TMEM132D: variants seen among roughly 807,000 people sequenced by gnomAD.
TMEM132D encodes mature OL transmembrane protein.
In TMEM132D, 21 loss-of-function variants were observed where a neutral mutation model predicts 62.3. That is an observed-to-expected ratio of 0.34 (90% CI 0.24 to 0.49). TMEM132D has a LOEUF of 0.49. TMEM132D is among the 20% of genes least tolerant of loss of function. The probability of loss-of-function intolerance (pLI) is 0.99; values close to 1 mark genes in which losing one functional copy is unlikely to be tolerated. For synonymous variants in TMEM132D, 621 were observed against 575.6 expected, an observed-to-expected ratio of 1.08 and a Z score of -1.13; for missense variants, 1,346 against 1,402.8, an observed-to-expected ratio of 0.96 and a Z score of 0.65.
intron 5 of TMEM132D, among the ~76,000 whole-genome samples, chr12:129,161,780 C>T: frequency 6.6e-6 from 1 of 152,164 alleles, no homozygotes; most frequent in Non-Finnish European, 1.5e-5. Context: ...ATAGTGTGGG[C>T]AGGCACCTAT....
intron 1 of TMEM132D, among the ~76,000 whole-genome samples, chr12:129,810,988 C>T (rs927183611): frequency 4.6e-5 from 7 of 151,744 alleles, no homozygotes; most frequent in Admixed American, 1.3e-4. Flanking sequence ...TCAACAAGGG[C>T]GTCAACACAA....
At position 129,597,723 on chromosome 12, in the gene TMEM132D, T is replaced by A. The variant is rs148133747; in HGVS notation, c.969-66518A>T. ...TCTCACCTGCGTTTCAACCATAACATAGCATTTAGAAAGTGTAGGTACATT... is the reference window on the plus strand; with the variant it reads ...TCTCACCTGCGTTTCAACCATAACAAAGCATTTAGAAAGTGTAGGTACATT... On this transcript the variant is annotated intron_variant, in intron 2 of 8. Transcript: ENST00000422113. 5.3e-3 allele frequency among the ~76,000 whole-genome samples: 812 copies of A among 152,296 alleles called. 13 individuals are homozygous for A. The highest frequency in any genetic ancestry group is 0.019 in the African/African-American group (770 of 41,566).
chr12:129,278,948 T>G (rs1278628281), intron 4 of TMEM132D, among the ~76,000 whole-genome samples: 1 of 152,140 alleles, frequency 6.6e-6, no homozygotes, highest in Non-Finnish European at 1.5e-5. Flanking sequence ...AAATGCAAAT[T>G]ATAAGGACTG....
chr12:129,259,323 T>C (rs1189405464), intron 4 of TMEM132D, among the ~76,000 whole-genome samples: 1 of 152,348 alleles, frequency 6.6e-6, no homozygotes, highest in African/African-American at 2.4e-5. Context: ...TCTGAGCTGT[T>C]GCCTGAAGGA....
At chr12:129,206,549 C>T (rs1029726951) in intron 5 of TMEM132D, among the ~76,000 whole-genome samples, 1 of 152,164 alleles carries the variant, frequency 6.6e-6, no homozygotes, top group African/African-American at 2.4e-5. Flanking sequence ...TTTGGTGATT[C>T]CTCAAAGAGC....
intron 2 of TMEM132D, among the ~76,000 whole-genome samples, chr12:129,541,844 A>G (rs1055997693): frequency 6.6e-6 from 1 of 152,204 alleles, no homozygotes; most frequent in Non-Finnish European, 1.5e-5. Context: ...TATTACCATT[A>G]TCTTCTTTGT....
chr12:129,250,622 A>G (rs1593311658), intron 4 of TMEM132D, among the ~76,000 whole-genome samples: 1 of 152,216 alleles, frequency 6.6e-6, no homozygotes, highest in East Asian at 1.9e-4. Flanking sequence ...ACTCATGCTT[A>G]ATACAATGTG....
intron 3 of TMEM132D, among the ~76,000 whole-genome samples, chr12:129,522,951 T>TAG (rs1024214382): frequency 4.2e-4 from 5 of 11,798 alleles, no homozygotes; most frequent in African/African-American, 1.6e-3. Context: ...AGACATAGAT[T>TAG]ATATATATAT....
chr12:129,128,687 C>A (rs950689068), intron 5 of TMEM132D, among the ~76,000 whole-genome samples: 2 of 152,082 alleles, frequency 1.3e-5, no homozygotes, highest in Non-Finnish European at 2.9e-5. Context: ...TTCTAGTGTA[C>A]CCATGACTCA....
rs77693628 is a variant in TMEM132D, at chr12:129,273,684, A to C, written c.1299+63950T>G. Among the ~76,000 whole-genome samples, 20 of 151,920 alleles carry C rather than the reference A, an allele frequency of 1.3e-4. No homozygotes were observed. In the East Asian group the frequency reaches 3.9e-3, roughly 29 times the overall value. Reference sequence around the variant, plus strand: ...TGCATGAACGAAAAACCAGTTACCAAATGTTCTCATTTATAAGCGGGAGCT... The same window carrying C: ...TGCATGAACGAAAAACCAGTTACCACATGTTCTCATTTATAAGCGGGAGCT... On this transcript the variant is annotated intron_variant, in intron 4 of 8. Transcript: ENST00000422113.
rs571440317 is a variant in TMEM132D, at chr12:129,674,855, C to A, written c.968+24955G>T. On this transcript the variant is annotated intron_variant, in intron 2 of 8. Transcript: ENST00000422113. The stretch of plus-strand genomic sequence containing the variant: ...CGCCTGGCTCGTTTTATGTTTTAAC[C>A]CTTAGCCATATTAGTTTGGGGGACT... Among the ~76,000 whole-genome samples the A allele has an allele frequency of 3.9e-5, 6 of 152,182 alleles. No individual in the cohort carries two copies. In the Middle Eastern group the frequency reaches 0.01, roughly 259 times the overall value.
intron 5 of TMEM132D, among the ~76,000 whole-genome samples, chr12:129,203,355 A>C (rs1462654811): frequency 6.6e-6 from 1 of 152,214 alleles, no homozygotes; most frequent in Non-Finnish European, 1.5e-5. Flanking sequence ...AAACTCTGTT[A>C]AATTTAATTT....
intron 3 of TMEM132D, among the ~76,000 whole-genome samples, chr12:129,339,393 A>AGAGGTCAGCCTTCTGCTTAAGCAGCC (rs72413908): frequency 6.6e-6 from 1 of 151,646 alleles, no homozygotes; most frequent in Non-Finnish European, 1.5e-5. Context: ...AAGAACCCCA[A>AGAGGTCAGCCTTCTGCTTAAGCAGCC]ATCTCTTCCA....
chr12:129,527,279 G>A (rs993903196), intron 3 of TMEM132D, among the ~76,000 whole-genome samples: 6 of 152,066 alleles, frequency 3.9e-5, no homozygotes, highest in Non-Finnish European at 7.4e-5. Flanking sequence ...ACTGCACTCC[G>A]GCTTGGGCAA....
intron 2 of TMEM132D, among the ~76,000 whole-genome samples, chr12:129,650,390 A>G (rs1299946394): frequency 6.6e-6 from 1 of 152,208 alleles, no homozygotes; most frequent in Non-Finnish European, 1.5e-5. Context: ...CCAATGTTTT[A>G]CTATTAAAAA....
chr12:129,209,551 T>C lies in TMEM132D; in HGVS notation c.1412A>G (p.Glu471Gly). Residue 471 changes from glutamate (E) to glycine (G), a missense_variant, in exon 5 of 9, where the codon GAG becomes GGG. Coordinates refer to ENST00000422113, the MANE Select transcript of TMEM132D (RefSeq NM_133448.3). Reference protein sequence around the residue: ...GTVTELLESVECRSSDEDVIK... With the variant: ...GTVTELLESVGCRSSDEDVIK... ...CACGTCTTCATCAGACGATCTACAC[T>C]CCACAGACTCCAGCAGCTCTGTCAC... The C allele has an allele frequency of 6.2e-7, 1 of 1,614,088 alleles. No individual in the cohort carries two copies.
chr12:129,335,571 T>A (rs1185268675), intron 4 of TMEM132D, among the ~76,000 whole-genome samples: 1 of 152,176 alleles, frequency 6.6e-6, no homozygotes, highest in African/African-American at 2.4e-5. Context: ...GTGGAGACCA[T>A]AATTTGTTAT....
rs34891066 is a variant in TMEM132D at position 129,867,092 on chromosome 12, C to CA, written c.79+36168dup. 7.2e-4 allele frequency among the ~76,000 whole-genome samples: 108 copies of CA among 150,438 alleles called. No homozygotes were observed. Among genetic ancestry groups the CA allele is most frequent in the East Asian group, 3.4e-3 (17 of 5,058 alleles). On this transcript the variant is annotated intron_variant, in intron 1 of 8. Coordinates refer to ENST00000422113, the MANE Select transcript of TMEM132D (RefSeq NM_133448.3). The surrounding 1 kb of genome is among the most constrained non-coding windows in gnomAD (Gnocchi z 4.5). ...GAAAAACCCCAAAACCCTGTCTCTA[C>CA]AAAAAAAAAATACAGAAATTAGCTG...
At chr12:129,802,481 C>G (rs1434272146) in intron 1 of TMEM132D, among the ~76,000 whole-genome samples, 1 of 113,806 alleles carries the variant, frequency 8.8e-6, no homozygotes, top group African/African-American at 3.4e-5. Flanking sequence ...TACAGACAAG[C>G]AAATGCTGAG....
Sources: allele counts gnomAD v4.1 joint callset (sites outside exome capture counted in the v4.1 genomes callset), GRCh38; gene constraint gnomAD v4.1.1; non-coding constraint Gnocchi (gnomAD v3.1); transcripts MANE v1.5; gene names NCBI Gene and HGNC (gene_info 2026-07-23, HGNC 2026-07-21).